Variants in WBP2 observed in about 807,000 individuals in gnomAD.
WBP2 encodes WW domain-binding protein 2.
A neutral mutation model predicts 33.0 loss-of-function variants in WBP2; 23 were observed. The observed-to-expected ratio is 0.70, with a 90% CI of 0.50 to 0.99. The LOEUF (loss-of-function observed/expected upper bound fraction) is 0.99, where lower values mean the gene tolerates loss of function less well. Among genes scored for constraint, WBP2 ranks in the 50% least tolerant of loss-of-function variants. The pLI, the probability that WBP2 is intolerant of heterozygous loss-of-function variation, is 0.00. For synonymous variants in WBP2, 153 were observed against 133.5 expected, an observed-to-expected ratio of 1.15 and a Z score of -1.01; for missense variants, 353 against 358.0, an observed-to-expected ratio of 0.99 and a Z score of 0.11.
rs917851984 is a variant in WBP2, at chr17:75,848,358, C to T, written c.397+212G>A. On this transcript the variant is annotated intron_variant, in intron 4 of 7. Coordinates refer to ENST00000254806, the MANE Select transcript of WBP2 (RefSeq NM_012478.4). Reference sequence around the variant, plus strand: ...ACAGCTTTGTCAAAACGTCATCCACCTGCCCCAGGCAGGGAAACGCAGTCT... The same window carrying T: ...ACAGCTTTGTCAAAACGTCATCCACTTGCCCCAGGCAGGGAAACGCAGTCT... 8 of 603,464 alleles carry T rather than the reference C, an allele frequency of 1.3e-5. No homozygotes were observed. In the Admixed American group the frequency reaches 2.4e-4, roughly 18 times the overall value. The allele number at this position is 603,464 out of a possible 1,614,324, so 37.4% of individuals were successfully genotyped here.
chr17:75,848,803 T>G, intron 3 of WBP2, 141 bp from the exon 4 acceptor site: 1 of 712,080 alleles, frequency 1.4e-6, no homozygotes, highest in Non-Finnish European at 2.4e-6. Flanking sequence ...GGGGACTTCC[T>G]GGTGCCATGG....
rs1327617814 is a variant in WBP2, at chr17:75,855,309, C to T, written c.-12G>A. The T allele has an allele frequency of 1.2e-6, 2 of 1,611,830 alleles. No individual in the cohort carries two copies. Among genetic ancestry groups the T allele is most frequent in the Non-Finnish European group, 1.7e-6 (2 of 1,179,976 alleles). ...TTGTTGAGCGCCATAGTCTCTCCAACAGGGGTCCCGAGACTCAAAACGCAA... is the reference window on the plus strand; with the variant it reads ...TTGTTGAGCGCCATAGTCTCTCCAATAGGGGTCCCGAGACTCAAAACGCAA... On this transcript the variant is annotated 5_prime_UTR_variant, in exon 1 of 8. Coordinates refer to ENST00000254806, the MANE Select transcript of WBP2 (RefSeq NM_012478.4).
chr17:75,846,993 G>A lies in WBP2; in HGVS notation c.656-9C>T, dbSNP rs531836934. On this transcript the variant is annotated splice_polypyrimidine_tract_variant and intron_variant, in intron 6 of 7. Coordinates refer to ENST00000254806, the MANE Select transcript of WBP2 (RefSeq NM_012478.4). This position sits in a 1 kb window ranked among gnomAD's most constrained non-coding sequence, Gnocchi z 4.8. ...TGCGGCCTTGGCTTCGGCTGTGAGA[G>A]CAAACACACCTGGTGTCGGTGACAA... The A allele has an allele frequency of 7.4e-6, 12 of 1,614,002 alleles. 1 individual carries two copies. Among genetic ancestry groups the A allele is most frequent in the South Asian group, 3.3e-5 (3 of 91,062 alleles).
intron 1 of WBP2, among the ~76,000 whole-genome samples, chr17:75,854,648 C>T (rs1337052468): frequency 6.6e-6 from 1 of 152,150 alleles, no homozygotes; most frequent in African/African-American, 2.4e-5. Flanking sequence ...TTACCGGGAA[C>T]CTGAACAGTT....
In WBP2 at chr17:75,852,746, C is replaced by T. The variant is rs374425402; in HGVS notation, c.60-1070G>A. On this transcript the variant is annotated intron_variant, in intron 1 of 7. Transcript: ENST00000254806. The stretch of plus-strand genomic sequence containing the variant: ...CAGGGATTACAGGCGTGAGCCACTG[C>T]GCCCGGCCAACTCTTCTATTTTCTT... 4.2e-4 allele frequency: 414 copies of T among 983,148 alleles called. 2 individuals are homozygous for T. The highest frequency in any genetic ancestry group is 3.5e-3 in the East Asian group (31 of 8,774). 60.9% of individuals were successfully genotyped at this position (983,148 alleles called of 1,614,324 possible).
Position 75,848,569 on chromosome 17 carries a change from C to T in WBP2, c.397+1G>A. The T allele has an allele frequency of 6.2e-7, 1 of 1,613,722 alleles. No individual in the cohort carries two copies. The highest frequency in any genetic ancestry group is 8.5e-7 in the Non-Finnish European group (1 of 1,179,762). On this transcript the variant is annotated splice_donor_variant, in intron 4 of 7. Transcript: ENST00000254806. LOFTEE classifies it high-confidence loss of function. The stretch of plus-strand genomic sequence containing the variant: ...GCCCCTAATCTTCGGAGCCTGGATA[C>T]CTTGAGATGCCACCTGGAGCATCCG...
At chr17:75,848,353 T>C (rs1567825993) in intron 4 of WBP2, 3 of 601,226 alleles carry the variant, frequency 5.0e-6, no homozygotes, top group Non-Finnish European at 5.9e-6. Context: ...CAAAACGTCA[T>C]CCACCTGCCC....
In WBP2 at chr17:75,847,490, C is replaced by A. The variant is rs1382983540; in HGVS notation, c.652G>T (p.Ala218Ser). 1.9e-6 allele frequency: 3 copies of A among 1,592,872 alleles called. No individual in the cohort carries two copies. Among genetic ancestry groups the A allele is most frequent in the East Asian group, 2.2e-5 (1 of 44,664 alleles). The change falls in exon 6 of 8, where the codon GCA (alanine) becomes TCA (serine). Residue 218 changes from alanine (A) to serine (S), a missense_variant. Transcript: ENST00000254806. ...VSGPDVPSTPAAEAKAAEAAA... is the reference protein window; with the variant it reads ...VSGPDVPSTPSAEAKAAEAAA... ...GCCAGCACCCAAGGGCCCTCACCTG[C>A]AGGAGTGGAGGGGACATCGGGGCCG... is the stretch of plus-strand genomic sequence containing the variant.
intron 1 of WBP2, chr17:75,855,003 C>G: frequency 1.7e-6 from 1 of 579,258 alleles, no homozygotes; most frequent in East Asian, 2.8e-5. Flanking sequence ...ACCGGGGGCC[C>G]CATACCAGGT....
rs77943213 is a variant in WBP2, at chr17:75,848,218, C to T, written c.398-288G>A. ...CAGGGCTGGGGTAGGAGTGAGCTGG[C>T]GGAGGATGTCTGCTGGCCCATCCCT... On this transcript the variant is annotated intron_variant, in intron 4 of 7. Coordinates refer to ENST00000254806, the MANE Select transcript of WBP2 (RefSeq NM_012478.4). The T allele has an allele frequency of 3.0e-3, 1,747 of 585,854 alleles. 17 individuals carry two copies. Among genetic ancestry groups the T allele is most frequent in the African/African-American group, 0.03 (1,583 of 53,648 alleles). The allele number at this position is 585,854 out of a possible 1,614,324, so 36.3% of individuals were successfully genotyped here.
At chr17:75,849,561 T>A in intron 3 of WBP2, 43 bp downstream of exon 3, 1 of 1,611,164 alleles carries the variant, frequency 6.2e-7, no homozygotes, top group Non-Finnish European at 8.5e-7. Context: ...CCAGGACACC[T>A]CCCTGCAGGC....
chr17:75,855,797 G>T (rs915541576), upstream of WBP2, among the ~76,000 whole-genome samples: 1 of 152,262 alleles, frequency 6.6e-6, no homozygotes, highest in African/African-American at 2.4e-5. Flanking sequence ...TGTGGATGGG[G>T]AGCTTTCGTT....
In WBP2 at chr17:75,851,846, A is replaced by G. The variant is rs1165315053; in HGVS notation, c.60-170T>C. The G allele has an allele frequency of 1.0e-5, 5 of 484,748 alleles. No homozygotes were observed. The Admixed American group carries it at 1.4e-4, about 13-fold the overall frequency. The allele number at this position is 484,748 out of a possible 1,614,324, so 30.0% of individuals were successfully genotyped here. ...GCTGGGCGCGGTGGCTCACGCCCGT[A>G]ATCCCAGCACTTTGGGAGGCCGAGG... is the stretch of plus-strand genomic sequence containing the variant. On this transcript the variant is annotated intron_variant, in intron 1 of 7. Coordinates refer to ENST00000254806, the MANE Select transcript of WBP2 (RefSeq NM_012478.4).
At chr17:75,855,159 T>TA in intron 1 of WBP2, 80 bp downstream of exon 1, 18 of 964,054 alleles carry the variant, frequency 1.9e-5, no homozygotes, top group Non-Finnish European at 2.6e-5. Flanking sequence ...AGGGGCTTAT[T>TA]CCCCACCACC....
chr17:75,854,544 G>A (rs145106250), intron 1 of WBP2, among the ~76,000 whole-genome samples: 24 of 152,292 alleles, frequency 1.6e-4, no homozygotes, highest in East Asian at 1.2e-3. Flanking sequence ...CAAGAGAGAG[G>A]CAAGGGAATG....
At chr17:75,848,068 C>T in intron 4 of WBP2, 138 bp from the exon 5 acceptor site, 2 of 1,205,838 alleles carry the variant, frequency 1.7e-6, no homozygotes, top group South Asian at 1.4e-5. Flanking sequence ...CCACTCCACC[C>T]TCCACCCATA....
chr17:75,851,503 C>G (rs1011234668), intron 2 of WBP2, 65 bp downstream of exon 2: 2 of 1,309,694 alleles, frequency 1.5e-6, no homozygotes. Context: ...AGACCTGAGA[C>G]TAAGACTCAC....
upstream of WBP2, chr17:75,855,426 C>T (rs1272615187): frequency 6.1e-6 from 6 of 983,666 alleles, no homozygotes; most frequent in Non-Finnish European, 9.5e-6. Flanking sequence ...GGCCCAAACA[C>T]CTGACCCGAA....
At chr17:75,855,984 G>A (rs1268981984), upstream of WBP2, among the ~76,000 whole-genome samples, 1 of 152,192 alleles carries the variant, frequency 6.6e-6, no homozygotes, top group Non-Finnish European at 1.5e-5. Flanking sequence ...AGGGGAGGCC[G>A]TGTGCCCCGC....
Sources: allele counts gnomAD v4.1 joint callset (sites outside exome capture counted in the v4.1 genomes callset), GRCh38; gene constraint gnomAD v4.1.1; non-coding constraint Gnocchi (gnomAD v3.1); transcripts MANE v1.5; gene names NCBI Gene and HGNC (gene_info 2026-07-23, HGNC 2026-07-21).